CTTN: variants seen among roughly 807,000 people sequenced by gnomAD.
CTTN encodes the protein cortactin, also known as src substrate cortactin.
A neutral mutation model predicts 84.0 loss-of-function variants in CTTN; 28 were observed. That is an observed-to-expected ratio of 0.33 (90% confidence interval 0.25 to 0.46). The LOEUF (loss-of-function observed/expected upper bound fraction) is 0.46, where lower values mean the gene tolerates loss of function less well. Ranked by LOEUF, CTTN falls within the 20% of genes least tolerant of loss-of-function variation. The pLI is 1.00. For synonymous variants in CTTN, 301 were observed against 288.8 expected, an observed-to-expected ratio of 1.04 and a Z score of -0.43; for missense variants, 641 against 723.8, an observed-to-expected ratio of 0.89 and a Z score of 1.31.
intron 11 of CTTN, chr11:70,422,552 G>T (rs1207263995): frequency 4.6e-5 from 60 of 1,298,194 alleles, no homozygotes; most frequent in Non-Finnish European, 6.0e-5. Context: ...GCGCTCAGTA[G>T]AGCAGGCGCA....
intron 1 of CTTN, among the ~76,000 whole-genome samples, chr11:70,401,297 C>G (rs2057975833): frequency 6.7e-6 from 1 of 148,630 alleles, no homozygotes; most frequent in African/African-American, 2.6e-5. Context: ...AGTGAAACAC[C>G]GTCTCTACTA....
rs1402784421 is a variant in CTTN, at chr11:70,407,343, G to A, written c.46G>A (p.Asp16Asn). Residue 16 changes from aspartate (D) to asparagine (N), a missense_variant, in exon 3 of 18, where the codon GAC (aspartate) becomes AAC (asparagine). Transcript: ENST00000301843. The part of the protein sequence containing the change: ...AGHAVSIAQD[D>N]AGADDWETDP... ...CCACGCTGTGTCCATCGCCCAGGAT[G>A]ACGCGGGGGCCGATGACTGGGAGAC... 1 of 1,563,558 alleles carries A rather than the reference G, an allele frequency of 6.4e-7. No individual in the cohort carries two copies. Among genetic ancestry groups the A allele is most frequent in the East Asian group, 2.4e-5 (1 of 41,760 alleles).
rs146363706 is a variant in CTTN, at chr11:70,403,228, C to T, written c.-97-2037C>T. Among the ~76,000 whole-genome samples, 833 of 126,224 alleles carry T rather than the reference C, an allele frequency of 6.6e-3. 13 individuals are homozygous for T. The highest frequency in any genetic ancestry group is 0.022 in the African/African-American group (742 of 33,066). 82.8% of individuals were successfully genotyped at this position (126,224 alleles called of 152,430 possible). On this transcript the variant is annotated intron_variant, in intron 1 of 17. Coordinates refer to ENST00000301843, the MANE Select transcript of CTTN (RefSeq NM_005231.4). ...TTTTTGAGATGGAGTCTCACTCTGT[C>T]GCCAGGCTGCAGTATAGTGGCGCAA...
intron 5 of CTTN, among the ~76,000 whole-genome samples, chr11:70,413,366 G>T (rs1021679448): frequency 6.6e-6 from 1 of 152,230 alleles, no homozygotes; most frequent in Non-Finnish European, 1.5e-5. Context: ...CGGCTCTGCT[G>T]TGAGGAGGGA....
At position 70,425,262 on chromosome 11, in the gene CTTN, G is replaced by T. The variant is rs1258380405; in HGVS notation, c.958-70G>T. The T allele has an allele frequency of 9.6e-6, 12 of 1,246,666 alleles. No homozygotes were observed. In the South Asian group the frequency reaches 1.4e-4, roughly 15 times the overall value. The allele number at this position is 1,246,666 out of a possible 1,614,324, so 77.2% of individuals were successfully genotyped here. The stretch of plus-strand genomic sequence containing the variant: ...GATCTGGGGAAGGCATTTGCATCTG[G>T]CAGGAGCTACCACAGGGCATGGAGA... On this transcript the variant is annotated intron_variant, in intron 12 of 17. Transcript: ENST00000301843.
chr11:70,421,978 A>G (rs928237818), intron 11 of CTTN: 3 of 218,228 alleles, frequency 1.4e-5, no homozygotes, highest in African/African-American at 2.3e-5. Flanking sequence ...TGTTGGTTCA[A>G]CCAAACCACT....
chr11:70,419,825 A>T lies in CTTN; in HGVS notation c.648A>T (p.Gln216His). Reference protein sequence around the residue: ...VDKSAVGFEYQGKTEKHESQK... With the variant: ...VDKSAVGFEYHGKTEKHESQK... ...AGAGCGCCGTTGGCTTTGAGTATCA[A>T]GGCAAAACGGAGAAGCACGAGTCCC... Residue 216 changes from glutamine to histidine, a missense_variant, in exon 9 of 18, where the codon CAA becomes CAT. Coordinates refer to ENST00000301843, the MANE Select transcript of CTTN (RefSeq NM_005231.4). 6.2e-7 allele frequency: 1 copy of T among 1,613,544 alleles called. No homozygotes were observed.
At chr11:70,430,852 G>A (rs934432575) in intron 14 of CTTN, among the ~76,000 whole-genome samples, 1 of 152,198 alleles carries the variant, frequency 6.6e-6, no homozygotes, top group Admixed American at 6.5e-5. Context: ...CGCGTCACTG[G>A]CTGTGTGATC....
At chr11:70,410,873 G>A (rs532810626) in intron 5 of CTTN, among the ~76,000 whole-genome samples, 17 of 152,254 alleles carry the variant, frequency 1.1e-4, no homozygotes, top group Admixed American at 3.3e-4. Flanking sequence ...GAACATTTGA[G>A]CTGGGCACGG....
intron 2 of CTTN, among the ~76,000 whole-genome samples, chr11:70,406,551 A>G (rs548938608): frequency 9.3e-4 from 140 of 151,184 alleles, no homozygotes; most frequent in Non-Finnish European, 1.5e-3. Context: ...AAAATTTTAT[A>G]TTTTACCACT....
chr11:70,422,201 T>C (rs552934436), intron 11 of CTTN: 35 of 343,568 alleles, frequency 1.0e-4, no homozygotes, highest in South Asian at 4.1e-4. Context: ...AGAGCAGTTA[T>C]GTTGTTACCT....
chr11:70,432,759 A>T (rs1312604315), intron 15 of CTTN, among the ~76,000 whole-genome samples: 6 of 152,230 alleles, frequency 3.9e-5, no homozygotes, highest in African/African-American at 1.2e-4. Context: ...GCCTAAAAAA[A>T]GAAATCAGCC....
chr11:70,435,377 A>T lies in CTTN; in HGVS notation c.*215A>T. The T allele has an allele frequency of 6.7e-7, 1 of 1,486,208 alleles. No homozygotes were observed. The allele number at this position is 1,486,208 out of a possible 1,614,324, so 92.1% of individuals were successfully genotyped here. A position where few individuals can be genotyped will look rare whatever the true frequency, so the allele number is the denominator to read the frequency against. ...CCACAGAATTTGCTAATATATTGTA[A>T]TCACATTCCTTAGGAGGACTTTGGT... On this transcript the variant is annotated 3_prime_UTR_variant, in exon 18 of 18. Coordinates refer to ENST00000301843, the MANE Select transcript of CTTN (RefSeq NM_005231.4).
At chr11:70,427,146 T>C (rs1391389115) in intron 13 of CTTN, among the ~76,000 whole-genome samples, 1 of 151,964 alleles carries the variant, frequency 6.6e-6, no homozygotes, top group Non-Finnish European at 1.5e-5. Context: ...GGTCAGGAGT[T>C]TGAGACCAGA....
At chr11:70,425,714 C>T (rs1334728240) in intron 13 of CTTN, among the ~76,000 whole-genome samples, 1 of 152,204 alleles carries the variant, frequency 6.6e-6, no homozygotes, top group African/African-American at 2.4e-5. Context: ...CTTCTGGGAG[C>T]AGCTGGGGCC....
rs563953766 is a variant in CTTN, at chr11:70,435,783, C to T, written c.*621C>T. 22 of 1,588,952 alleles carry T rather than the reference C, an allele frequency of 1.4e-5. No individual in the cohort carries two copies. The African/African-American group carries it at 2.1e-4, about 15-fold the overall frequency. On this transcript the variant is annotated 3_prime_UTR_variant, in exon 18 of 18. Transcript: ENST00000301843. Reference sequence around the variant, plus strand: ...GAGACCCTGGTTTTTTTCCTGTGCCCACTCCGGCTTGTCCTCATCTCTACC... The same window carrying T: ...GAGACCCTGGTTTTTTTCCTGTGCCTACTCCGGCTTGTCCTCATCTCTACC...
At position 70,435,253 on chromosome 11, in the gene CTTN, GTTTTTTTTTTTTT is replaced by G. The variant is rs370623790; in HGVS notation, c.*104_*116del. ...TCTTGGGTGGTTTTGGGTTTTTTCT[GTTTTTTTTTTTTT>G]TTTTTTTTTTTTGAAGGTGGGGAGG... On this transcript the variant is annotated 3_prime_UTR_variant, in exon 18 of 18. Transcript: ENST00000301843. 101 of 938,806 alleles carry G rather than the reference GTTTTTTTTTTTTT, an allele frequency of 1.1e-4. No homozygotes were observed. Among genetic ancestry groups the G allele is most frequent in the African/African-American group, 7.5e-4 (28 of 37,502 alleles). 58.2% of individuals were successfully genotyped at this position (938,806 alleles called of 1,614,324 possible). A position where few individuals can be genotyped will look rare whatever the true frequency, so the allele number is the denominator to read the frequency against.
chr11:70,419,468 A>G (rs1443605755), intron 8 of CTTN, among the ~76,000 whole-genome samples: 1 of 151,500 alleles, frequency 6.6e-6, no homozygotes, highest in Admixed American at 6.6e-5. Context: ...GGGTCTTGCT[A>G]TGTTGCTCAG....
Position 70,419,773 on chromosome 11 carries a change from A to G in CTTN, c.596A>G (p.Tyr199Cys), listed in dbSNP as rs1343068664. The part of the protein sequence containing the change: ...RDYSKGFGGK[Y>C]GIDKDKVDKS... The stretch of plus-strand genomic sequence containing the variant: ...TACTCCAAAGGTTTCGGCGGCAAAT[A>G]CGGTATCGACAAGGACAAAGTGGAT... The change falls in exon 9 of 18, where the codon TAC (tyrosine) becomes TGC (cysteine). Residue 199 changes from tyrosine (Y) to cysteine (C), a missense_variant. Transcript: ENST00000301843. The G allele has an allele frequency of 6.2e-7, 1 of 1,611,614 alleles. No individual in the cohort carries two copies. Among genetic ancestry groups the G allele is most frequent in the Admixed American group, 1.7e-5 (1 of 59,232 alleles).
Sources: allele counts gnomAD v4.1 joint callset (sites outside exome capture counted in the v4.1 genomes callset), GRCh38; gene constraint gnomAD v4.1.1; transcripts MANE v1.5; gene names NCBI Gene and HGNC (gene_info 2026-07-23, HGNC 2026-07-21).